The following ST7 variants were observed in gnomAD, a reference collection of about 807,000 sequenced individuals.
ST7 encodes the protein suppression of tumorigenicity 7.
ST7 carries 28 observed loss-of-function variants against 78.7 expected under a neutral mutation model. That is an observed-to-expected ratio of 0.36 (90% CI 0.26 to 0.49). The LOEUF is 0.49. ST7 is among the 20% of genes least tolerant of loss of function. ST7 has a pLI of 0.99. For synonymous variants in ST7, 247 were observed against 249.6 expected (o/e 0.99, Z 0.10); for missense variants, 418 against 696.0 (o/e 0.60, Z 4.49).
At chr7:117,031,827 T>TG (rs1268200918) in intron 1 of ST7, among the ~76,000 whole-genome samples, 1 of 10,540 alleles carries the variant, frequency 9.5e-5, no homozygotes, top group African/African-American at 3.5e-4. Context: ...TATATCTATA[T>TG]CTATATCTAT....
chr7:117,007,649 A>C (rs760660150), intron 1 of ST7, among the ~76,000 whole-genome samples: 14 of 152,220 alleles, frequency 9.2e-5, no homozygotes, highest in Non-Finnish European at 2.1e-4. Flanking sequence ...GATGCCATCT[A>C]GGCCTTTCAT....
intron 1 of ST7, among the ~76,000 whole-genome samples, chr7:117,057,090 T>C (rs866162820): frequency 2.0e-5 from 3 of 152,256 alleles, no homozygotes; most frequent in Middle Eastern, 3.4e-3. Context: ...CATTGAGTCT[T>C]TATATTTTTT....
chr7:116,980,147 C>T (rs554550155), intron 1 of ST7, among the ~76,000 whole-genome samples: 95 of 151,932 alleles, frequency 6.3e-4, no homozygotes, highest in African/African-American at 2.2e-3. Flanking sequence ...TTAGTAGAGA[C>T]GGAGTTTCGC....
At chr7:117,057,684 A>G (rs1798134414) in intron 1 of ST7, among the ~76,000 whole-genome samples, 1 of 152,206 alleles carries the variant, frequency 6.6e-6, no homozygotes, top group Admixed American at 6.5e-5. Context: ...TGAATATAGT[A>G]CAAGAAACTT....
At chr7:117,109,403 A>G (rs947493251) in intron 2 of ST7, among the ~76,000 whole-genome samples, 13 of 152,248 alleles carry the variant, frequency 8.5e-5, no homozygotes, top group African/African-American at 3.1e-4. Context: ...TACCACAGAA[A>G]TACAAAAGAT....
intron 12 of ST7, among the ~76,000 whole-genome samples, chr7:117,195,925 C>T (rs1364732631): frequency 1.3e-5 from 2 of 152,154 alleles, no homozygotes; most frequent in Non-Finnish European, 2.9e-5. Flanking sequence ...ATTTTCCCCT[C>T]CCCACAGCCC....
intron 1 of ST7, among the ~76,000 whole-genome samples, chr7:117,095,763 G>A (rs1357611275): frequency 6.6e-6 from 1 of 152,106 alleles, no homozygotes; most frequent in Non-Finnish European, 1.5e-5. Flanking sequence ...ACCTTGATGT[G>A]TCTATAGAAT....
chr7:117,089,575 T>G (rs1156640768), intron 1 of ST7, among the ~76,000 whole-genome samples: 1 of 141,060 alleles, frequency 7.1e-6, no homozygotes, highest in Non-Finnish European at 1.6e-5. Context: ...TGTTTTTTTG[T>G]TTTTTTTTTT....
chr7:117,077,003 G>C (rs1413970345), intron 1 of ST7, among the ~76,000 whole-genome samples: 3 of 152,154 alleles, frequency 2.0e-5, no homozygotes, highest in African/African-American at 4.8e-5. Flanking sequence ...TCTTGATGAT[G>C]AAAGTGGCTC....
chr7:117,221,015 C>T (rs540118512), intron 14 of ST7, among the ~76,000 whole-genome samples: 29 of 152,224 alleles, frequency 1.9e-4, no homozygotes, highest in Middle Eastern at 3.4e-3. Context: ...TGGGCTGTTT[C>T]TCACGTGCAG....
At position 117,089,958 on chromosome 7, in the gene ST7, T is replaced by C. The variant is rs191014254; in HGVS notation, c.152-9804T>C. On this transcript the variant is annotated intron_variant, in intron 1 of 15. Coordinates refer to ENST00000323984, the MANE Select transcript of ST7 (RefSeq NM_001369598.1). ...ATGACTTAGAGTTACCAGTCAAAGATTGAAATATGTTCTGGCCATTCTTTT... is the reference window on the plus strand; with the variant it reads ...ATGACTTAGAGTTACCAGTCAAAGACTGAAATATGTTCTGGCCATTCTTTT... 9.2e-5 allele frequency among the ~76,000 whole-genome samples: 14 copies of C among 152,364 alleles called. 1 individual carries two copies. The East Asian group carries it at 2.1e-3, about 23-fold the overall frequency.
At chr7:116,972,599 T>C in intron 1 of ST7, 1 of 1,417,020 alleles carries the variant, frequency 7.1e-7, no homozygotes, top group South Asian at 1.2e-5. Context: ...TGGAGTTCCA[T>C]CTTTTCTTCA....
At chr7:117,169,501 G>T (rs1305449900) in intron 9 of ST7, among the ~76,000 whole-genome samples, 2 of 151,962 alleles carry the variant, frequency 1.3e-5, no homozygotes, top group Non-Finnish European at 1.5e-5. Flanking sequence ...CTTTCTCTTT[G>T]CTTCCCAGTG....
At chr7:117,213,561 A>G (rs1584619914) in intron 13 of ST7, among the ~76,000 whole-genome samples, 1 of 151,422 alleles carries the variant, frequency 6.6e-6, no homozygotes, top group African/African-American at 2.4e-5. Context: ...CTGAAAAAAA[A>G]CCTCCCATTT....
At chr7:117,047,402 A>G (rs1797546006) in intron 1 of ST7, among the ~76,000 whole-genome samples, 1 of 152,208 alleles carries the variant, frequency 6.6e-6, no homozygotes. Context: ...TTGTTTTACG[A>G]AATAGAGCAT....
chr7:117,189,131 C>G (rs1426760645), intron 10 of ST7, among the ~76,000 whole-genome samples, 190 bp from the exon 11 acceptor site: 1 of 152,212 alleles, frequency 6.6e-6, no homozygotes, highest in Non-Finnish European at 1.5e-5. Flanking sequence ...AAAATACAAA[C>G]TACCCTTAGT....
intron 9 of ST7, among the ~76,000 whole-genome samples, chr7:117,168,303 C>T (rs1251340058): frequency 6.6e-6 from 1 of 152,122 alleles, no homozygotes; most frequent in African/African-American, 2.4e-5. Context: ...TAGTAAGACT[C>T]AGTTTTTAAG....
intron 1 of ST7, among the ~76,000 whole-genome samples, chr7:117,094,803 G>T (rs987567890): frequency 6.6e-6 from 1 of 151,868 alleles, no homozygotes; most frequent in Non-Finnish European, 1.5e-5. Context: ...CCCTTCCATT[G>T]TTTTTTTGTT....
intron 10 of ST7, among the ~76,000 whole-genome samples, chr7:117,178,707 A>T (rs1808521811): frequency 6.6e-6 from 1 of 152,210 alleles, no homozygotes; most frequent in Non-Finnish European, 1.5e-5. Context: ...CTGGGAGATG[A>T]ACAAAAGGAT....
Sources: allele counts gnomAD v4.1 joint callset (sites outside exome capture counted in the v4.1 genomes callset), GRCh38; gene constraint gnomAD v4.1.1; transcripts MANE v1.5; gene names NCBI Gene and HGNC (gene_info 2026-07-23, HGNC 2026-07-21).